Variants in PALB2 observed in about 807,000 individuals in gnomAD.
The protein encoded by PALB2 is mutant partner and localizer of BRCA2.
In PALB2, 82 loss-of-function variants were observed where a neutral mutation model predicts 107.4. The observed-to-expected ratio is 0.76, with a 90% confidence interval of 0.64 to 0.92. The LOEUF (loss-of-function observed/expected upper bound fraction) is 0.92. Among genes scored for constraint, PALB2 ranks in the 40% least tolerant of loss-of-function variants. The probability of loss-of-function intolerance (pLI) is 0.00; values close to 1 mark genes in which losing one functional copy is unlikely to be tolerated. For missense variants in PALB2, 1,374 were observed against 1,379.9 expected (o/e 1.00, Z 0.07); for synonymous variants, 489 against 496.8 (o/e 0.98, Z 0.21).
intron 7 of PALB2, 26 bp downstream of exon 7, chr16:23,626,210 T>C (rs1966842191): frequency 1.2e-6 from 2 of 1,613,986 alleles, no homozygotes; most frequent in Non-Finnish European, 1.7e-6. Context: ...TGCAAAGATC[T>C]CTTTCAGCTC....
chr16:23,623,133 A>G lies in PALB2; in HGVS notation c.2835-3T>C, dbSNP rs1060502795. ...CATCAGAGGAACAAAACAATGCCCTAAGCCAAATATAAGGAAAAATGGGGT... is the reference window on the plus strand; with the variant it reads ...CATCAGAGGAACAAAACAATGCCCTGAGCCAAATATAAGGAAAAATGGGGT... On this transcript the variant is annotated splice_polypyrimidine_tract_variant and splice_region_variant and intron_variant, in intron 8 of 12. Coordinates refer to ENST00000261584, the MANE Select transcript of PALB2 (RefSeq NM_024675.4). 1 of 1,613,102 alleles carries G rather than the reference A, an allele frequency of 6.2e-7. No individual in the cohort carries two copies. The highest frequency in any genetic ancestry group is 1.1e-5 in the South Asian group (1 of 91,046).
rs753307725 is a variant in PALB2, at chr16:23,614,096, G to A, written c.3114-5C>T. ...AGTTGACCAGTTTTTAAATTCCTTA[G>A]ATAACAAAAATAAATAAGCTGATCA... On this transcript the variant is annotated splice_region_variant and splice_polypyrimidine_tract_variant and intron_variant, in intron 10 of 12. Transcript: ENST00000261584. 1.9e-6 allele frequency: 3 copies of A among 1,587,634 alleles called. No homozygotes were observed. The Admixed American group carries it at 5.0e-5, about 27-fold the overall frequency.
chr16:23,641,274 C>T lies in PALB2; in HGVS notation c.-117G>A. On this transcript the variant is annotated 5_prime_UTR_variant, in exon 1 of 13. Coordinates refer to ENST00000261584, the MANE Select transcript of PALB2 (RefSeq NM_024675.4). ...CAGGAAGGAATGGGGAGCCCGGGAT[C>T]GCACCCTCAGTGCGCGATCAGCTGA... 2.2e-6 allele frequency: 3 copies of T among 1,361,690 alleles called. No homozygotes were observed. Among genetic ancestry groups the T allele is most frequent in the South Asian group, 1.2e-5 (1 of 80,272 alleles). The allele number at this position is 1,361,690 out of a possible 1,614,324, so 84.4% of individuals were successfully genotyped here. A position where few individuals can be genotyped will look rare whatever the true frequency, so the allele number is the denominator to read the frequency against.
At chr16:23,620,887 A>G (rs1966760293) in intron 10 of PALB2, among the ~76,000 whole-genome samples, 1 of 152,200 alleles carries the variant, frequency 6.6e-6, no homozygotes. Context: ...AACCTAGCCA[A>G]CATGGCAAAA....
chr16:23,635,864 G>A lies in PALB2; in HGVS notation c.682C>T (p.Gln228Ter), dbSNP rs1327399690. Reference protein sequence around the residue: ...EDSVLIPPTAQPEKGVDTFLR... With the variant: ...EDSVLIPPTA ...AATGTATCAACACCTTTTTCTGGTT[G>A]GGCAGTTGGTGGAATTAATACACTG... is the stretch of plus-strand genomic sequence containing the variant. The change falls in exon 4 of 13, where the codon CAA becomes TAA. Residue 228 changes from glutamine to a stop codon, truncating the protein, a stop_gained. Transcript: ENST00000261584. LOFTEE classifies it high-confidence loss of function. The A allele has an allele frequency of 6.2e-7, 1 of 1,614,016 alleles. No individual in the cohort carries two copies. The highest frequency in any genetic ancestry group is 8.5e-7 in the Non-Finnish European group (1 of 1,180,014).
intron 8 of PALB2, 143 bp downstream of exon 8, chr16:23,623,866 T>G (rs1405072599): frequency 3.5e-5 from 24 of 676,132 alleles, no homozygotes; most frequent in Non-Finnish European, 5.7e-5. Flanking sequence ...GTCATTCTAT[T>G]GATTTTTTTT....
At chr16:23,632,302 G>A (rs1966885794) in intron 4 of PALB2, among the ~76,000 whole-genome samples, 1 of 152,026 alleles carries the variant, frequency 6.6e-6, no homozygotes, top group African/African-American at 2.4e-5. Context: ...AAATTACCCA[G>A]GCATGGTGGC....
intron 9 of PALB2, 105 bp downstream of exon 9, chr16:23,622,864 C>A: frequency 1.5e-6 from 2 of 1,291,622 alleles, no homozygotes; most frequent in African/African-American, 1.5e-5. Flanking sequence ...TTATATTACA[C>A]CCCCAGCACA....
intron 12 of PALB2, among the ~76,000 whole-genome samples, chr16:23,604,357 A>G (rs1393899179): frequency 6.6e-6 from 1 of 152,082 alleles, no homozygotes. Context: ...CTTTATCAGT[A>G]CAATAGGGAT....
At chr16:23,618,736 C>T (rs562686247) in intron 10 of PALB2, among the ~76,000 whole-genome samples, 1 of 151,932 alleles carries the variant, frequency 6.6e-6, no homozygotes, top group South Asian at 2.1e-4. Flanking sequence ...AGATGAACTA[C>T]TAGATTATTT....
chr16:23,622,554 C>A lies in PALB2; in HGVS notation c.2996+415G>T, dbSNP rs188272475. ...GGACCACAAGGCATGCTCTGCCACA[C>A]CCAGCTAATTTTTAAATTTTTTGTA... On this transcript the variant is annotated intron_variant, in intron 9 of 12. Coordinates refer to ENST00000261584, the MANE Select transcript of PALB2 (RefSeq NM_024675.4). Among the ~76,000 whole-genome samples the A allele has an allele frequency of 2.6e-5, 4 of 152,180 alleles. No homozygotes were observed. In the East Asian group the frequency reaches 7.7e-4, roughly 29 times the overall value.
chr16:23,636,321 T>A lies in PALB2; in HGVS notation c.225A>T (p.Lys75Asn), dbSNP rs1250453452. The A allele has an allele frequency of 6.2e-7, 1 of 1,608,448 alleles. No individual in the cohort carries two copies. Among genetic ancestry groups the A allele is most frequent in the Non-Finnish European group, 8.5e-7 (1 of 1,177,130 alleles). The change falls in exon 4 of 13, where the codon AAA becomes AAT. Residue 75 changes from lysine (K) to asparagine (N), a missense_variant. By Grantham distance (94) the Lys-to-Asn change is moderately conservative (BLOSUM62 0). Transcript: ENST00000261584. The stretch of plus-strand genomic sequence containing the variant: ...TGTGTAACTTGTCATAAACACATAT[T>A]TTATTTTTAGGTTCTGAGGAGGAAA... ...PQLKHSEPKN[K>N]ICVYDKLHIK...
chr16:23,621,807 C>T (rs1966778635), intron 9 of PALB2, among the ~76,000 whole-genome samples: 1 of 152,180 alleles, frequency 6.6e-6, no homozygotes, highest in African/African-American at 2.4e-5. Flanking sequence ...GGTCACCACT[C>T]AAGTGACCAC....
intron 12 of PALB2, among the ~76,000 whole-genome samples, chr16:23,607,115 C>T (rs76212576): frequency 0.025 from 3,860 of 152,202 alleles, 71 homozygotes; most frequent in Middle Eastern, 0.088. Context: ...CAGATAAATA[C>T]TTATCTATAG....
intron 3 of PALB2, 50 bp from the exon 4 acceptor site, chr16:23,636,384 A>G (rs745655056): frequency 9.7e-6 from 12 of 1,238,964 alleles, no homozygotes; most frequent in Non-Finnish European, 1.3e-5. Flanking sequence ...ATAAAATAAA[A>G]CAAAAAATAC....
chr16:23,627,804 T>C (rs1199958837), intron 6 of PALB2, among the ~76,000 whole-genome samples: 1 of 152,164 alleles, frequency 6.6e-6, no homozygotes, highest in Non-Finnish European at 1.5e-5. Flanking sequence ...AAACAATAAT[T>C]TAGAAATGGG....
intron 7 of PALB2, among the ~76,000 whole-genome samples, chr16:23,625,133 G>C (rs1168415118): frequency 1.3e-5 from 2 of 152,116 alleles, no homozygotes; most frequent in Non-Finnish European, 2.9e-5. Context: ...AGGAGTTAGA[G>C]ACCATCCTGG....
At chr16:23,617,922 C>G (rs112126148) in intron 10 of PALB2, 3,357 of 151,798 alleles carry the variant, frequency 0.022, 61 homozygotes, top group Middle Eastern at 0.088. Flanking sequence ...TCTAGAAGGC[C>G]GAGGTGGGAG....
intron 10 of PALB2, among the ~76,000 whole-genome samples, chr16:23,616,558 T>C (rs1024010634): frequency 6.6e-6 from 1 of 152,158 alleles, no homozygotes; most frequent in African/African-American, 2.4e-5. Flanking sequence ...TAGGCTTTGA[T>C]GGTAAAGGCA....
Sources: allele counts gnomAD v4.1 joint callset (sites outside exome capture counted in the v4.1 genomes callset), GRCh38; gene constraint gnomAD v4.1.1; transcripts MANE v1.5; gene names NCBI Gene and HGNC (gene_info 2026-07-23, HGNC 2026-07-21).